The following AGBL1 variants were observed in gnomAD, a reference collection of about 807,000 sequenced individuals.
The protein encoded by AGBL1 is AGBL carboxypeptidase 1, also known as cytosolic carboxypeptidase 4.
In AGBL1, 130 loss-of-function variants were observed where a neutral mutation model predicts 118.9. That is an observed-to-expected ratio of 1.09 (90% CI 0.95 to 1.26). AGBL1 has a LOEUF of 1.26. AGBL1 is among the 50% of genes most tolerant of loss of function. The probability of loss-of-function intolerance (pLI) is 0.00; values close to 1 mark genes in which losing one functional copy is unlikely to be tolerated. For missense variants in AGBL1, 1,584 were observed against 1,298.1 expected (o/e 1.22, Z -3.38); for synonymous variants, 555 against 478.9 (o/e 1.16, Z -2.08).
At chr15:86,322,987 G>A (rs187709855) in intron 17 of AGBL1, among the ~76,000 whole-genome samples, 6 of 152,258 alleles carry the variant, frequency 3.9e-5, no homozygotes, top group East Asian at 1.9e-4. Flanking sequence ...GCTTTGGGCT[G>A]TTTCTCCTAT....
At chr15:86,812,103 A>G (rs1183700749) in intron 22 of AGBL1, among the ~76,000 whole-genome samples, 1 of 152,228 alleles carries the variant, frequency 6.6e-6, no homozygotes, top group African/African-American at 2.4e-5. Flanking sequence ...GAGCCAAGAC[A>G]AAAGGTCTCC....
chr15:86,756,789 G>T (rs1456685707), intron 22 of AGBL1, among the ~76,000 whole-genome samples: 1 of 151,996 alleles, frequency 6.6e-6, no homozygotes, highest in Non-Finnish European at 1.5e-5. Flanking sequence ...AATAGACAGA[G>T]CTTGTCTTAT....
chr15:86,202,170 G>C (rs2077918062), intron 5 of AGBL1, among the ~76,000 whole-genome samples: 1 of 152,276 alleles, frequency 6.6e-6, no homozygotes, highest in East Asian at 1.9e-4. Flanking sequence ...GTGTGCGCCT[G>C]TAATCCCAGC....
intron 5 of AGBL1, among the ~76,000 whole-genome samples, chr15:86,218,346 C>G (rs904690675): frequency 6.6e-6 from 1 of 152,014 alleles, no homozygotes; most frequent in Non-Finnish European, 1.5e-5. Flanking sequence ...GAAAAGGGGA[C>G]GTCTGGGGAG....
At chr15:86,276,303 A>G (rs1212420871) in intron 15 of AGBL1, among the ~76,000 whole-genome samples, 2 of 152,226 alleles carry the variant, frequency 1.3e-5, no homozygotes, top group Non-Finnish European at 2.9e-5. Context: ...TATAATAAAA[A>G]AATTTTAGTT....
intron 22 of AGBL1, among the ~76,000 whole-genome samples, chr15:86,774,004 T>C (rs548213333): frequency 6.6e-6 from 1 of 152,060 alleles, no homozygotes; most frequent in Non-Finnish European, 1.5e-5. Flanking sequence ...CAAGCCCCAA[T>C]GACCCACATT....
intron 22 of AGBL1, among the ~76,000 whole-genome samples, chr15:86,810,416 C>T (rs1191175083): frequency 1.3e-5 from 2 of 152,150 alleles, no homozygotes; most frequent in African/African-American, 4.8e-5. Context: ...CCATCACTCT[C>T]TCTTCCTCTG....
chr15:86,966,994 C>T (rs1475035575), intron 23 of AGBL1, among the ~76,000 whole-genome samples: 5 of 152,038 alleles, frequency 3.3e-5, no homozygotes, highest in Non-Finnish European at 7.4e-5. Flanking sequence ...CCTGTTGTTT[C>T]CTGACTTTTT....
At chr15:86,508,796 A>T (rs2083016322) in intron 18 of AGBL1, among the ~76,000 whole-genome samples, 1 of 152,142 alleles carries the variant, frequency 6.6e-6, no homozygotes, top group African/African-American at 2.4e-5. Flanking sequence ...TTATAGTCTA[A>T]ATCTGTAGTT....
chr15:86,473,531 T>C (rs35371942), intron 18 of AGBL1, among the ~76,000 whole-genome samples: 1 of 152,164 alleles, frequency 6.6e-6, no homozygotes, highest in African/African-American at 2.4e-5. Context: ...TATGTGTATG[T>C]AGTGTGTATA....
chr15:86,937,653 G>T (rs1301942839), intron 23 of AGBL1, among the ~76,000 whole-genome samples: 2 of 152,168 alleles, frequency 1.3e-5, no homozygotes, highest in African/African-American at 4.8e-5. Flanking sequence ...ACTTGAGGAT[G>T]GAGGATGGAA....
chr15:86,949,260 A>G (rs747612274), intron 23 of AGBL1, among the ~76,000 whole-genome samples: 56 of 152,180 alleles, frequency 3.7e-4, no homozygotes, highest in Non-Finnish European at 7.5e-4. Context: ...AACTTACAAA[A>G]TCAAGATGAA....
At chr15:86,771,209 C>T (rs919112673) in intron 22 of AGBL1, among the ~76,000 whole-genome samples, 5 of 152,138 alleles carry the variant, frequency 3.3e-5, no homozygotes, top group Admixed American at 2.6e-4. Context: ...CAGGGTTTAT[C>T]TCTTATAGTA....
At position 86,499,648 on chromosome 15, in the gene AGBL1, G is replaced by A. The variant is rs150676877; in HGVS notation, c.2556-23162G>A. Among the ~76,000 whole-genome samples, 138 of 151,998 alleles carry A rather than the reference G, an allele frequency of 9.1e-4. 1 individual carries two copies. The Middle Eastern group carries it at 0.024, about 26-fold the overall frequency. On this transcript the variant is annotated intron_variant, in intron 18 of 22. Transcript: ENST00000614907. ...GCATCCTCTACTAATTAGTATTACA[G>A]TTCAATTCTGGACTGGTCCCATAGA...
intron 5 of AGBL1, among the ~76,000 whole-genome samples, chr15:86,184,169 G>A (rs1048408630): frequency 2.0e-5 from 3 of 152,174 alleles, no homozygotes; most frequent in African/African-American, 7.2e-5. Context: ...CCATTGTTGG[G>A]AGAACCCAAA....
intron 17 of AGBL1, among the ~76,000 whole-genome samples, chr15:86,350,860 G>A (rs960680392): frequency 3.3e-5 from 5 of 152,194 alleles, no homozygotes. Context: ...TTTATGCCCT[G>A]GTGGCTTATG....
chr15:86,292,482 C>G (rs572951925), intron 16 of AGBL1, among the ~76,000 whole-genome samples: 2 of 152,082 alleles, frequency 1.3e-5, no homozygotes, highest in African/African-American at 2.4e-5. Context: ...ACCTTCAGAA[C>G]TATAAGATAA....
At position 86,987,892 on chromosome 15, in the gene AGBL1, C is replaced by T. The variant is rs1199498450; in HGVS notation, c.3222-95C>T. On this transcript the variant is annotated intron_variant, in intron 23 of 24. Transcript: ENST00000441037. ...ATCCTATTAAAGTTTGTTTTTCCCA[C>T]TCAATAATATGTTTTTAAAATCCAT... The T allele has an allele frequency of 4.8e-6, 7 of 1,457,758 alleles. No homozygotes were observed. The South Asian group carries it at 7.3e-5, about 15-fold the overall frequency. The allele number at this position is 1,457,758 out of a possible 1,614,324, so 90.3% of individuals were successfully genotyped here. A position where few individuals can be genotyped will look rare whatever the true frequency, so the allele number is the denominator to read the frequency against.
chr15:86,130,138 T>C (rs1352999906), intron 1 of AGBL1, among the ~76,000 whole-genome samples: 2 of 152,100 alleles, frequency 1.3e-5, no homozygotes, highest in Admixed American at 6.5e-5. Flanking sequence ...CACTCTATAC[T>C]GGAGCATGAG....
Sources: gnomAD v4.1 joint callset for allele counts (sites outside exome capture counted in the v4.1 genomes callset) on GRCh38, gnomAD v4.1.1 for gene constraint, MANE v1.5 for transcripts, NCBI Gene and HGNC (gene_info 2026-07-23, HGNC 2026-07-21) for gene names.